Variants in EEFSEC observed in about 807,000 individuals in gnomAD.
EEFSEC encodes eukaryotic elongation factor, selenocysteine-tRNA specific.
A neutral mutation model predicts 42.1 loss-of-function variants in EEFSEC; 43 were observed. That is an observed-to-expected ratio of 1.02 (90% CI 0.80 to 1.32). The LOEUF (loss-of-function observed/expected upper bound fraction) is 1.32, where lower values mean the gene tolerates loss of function less well. Among genes scored for constraint, EEFSEC ranks in the 40% most tolerant of loss-of-function variants. The pLI, the probability that EEFSEC is intolerant of heterozygous loss-of-function variation, is 0.00. For synonymous variants in EEFSEC, 354 were observed against 339.1 expected (o/e 1.04, Z -0.48); for missense variants, 745 against 803.6 (o/e 0.93, Z 0.88).
chr3:128,167,885 A>C (rs1196730321), intron 1 of EEFSEC, among the ~76,000 whole-genome samples: 1 of 151,954 alleles, frequency 6.6e-6, no homozygotes, highest in African/African-American at 2.4e-5. Flanking sequence ...CTTCAGCTTG[A>C]CCCTGGTTGT....
At chr3:128,195,316 C>T (rs1269919393) in intron 1 of EEFSEC, among the ~76,000 whole-genome samples, 2 of 152,174 alleles carry the variant, frequency 1.3e-5, no homozygotes, top group Non-Finnish European at 2.9e-5. Flanking sequence ...GCCATTGCTG[C>T]ACAGTGCTGA....
intron 6 of EEFSEC, among the ~76,000 whole-genome samples, chr3:128,371,002 T>C (rs934023325): frequency 6.6e-6 from 1 of 152,196 alleles, no homozygotes; most frequent in Non-Finnish European, 1.5e-5. Flanking sequence ...TCTGGGAATA[T>C]GGAATAGAAA....
In EEFSEC at chr3:128,379,075, G is replaced by T. The variant is rs2293946; in HGVS notation, c.1600+20702G>T. Among the ~76,000 whole-genome samples, 26 of 152,310 alleles carry T rather than the reference G, an allele frequency of 1.7e-4. No homozygotes were observed. In the East Asian group the frequency reaches 5.0e-3, roughly 29 times the overall value. Reference sequence around the variant, plus strand: ...ATCTTTCTCCTGGGTGTCTTAGCCCGCCACTGCCCTTTGTGGATCTTGCCC... The same window carrying T: ...ATCTTTCTCCTGGGTGTCTTAGCCCTCCACTGCCCTTTGTGGATCTTGCCC... On this transcript the variant is annotated intron_variant, in intron 6 of 6. Transcript: ENST00000254730.
chr3:128,423,432 T>C, the EEFSEC span, among the ~76,000 whole-genome samples: 8 of 152,036 alleles, frequency 5.3e-5, no homozygotes, highest in Admixed American at 5.2e-4. Flanking sequence ...TGAGCTATGA[T>C]TGCACCACTG....
chr3:128,425,575 C>G, the EEFSEC span, among the ~76,000 whole-genome samples: 1 of 152,230 alleles, frequency 6.6e-6, no homozygotes, highest in Non-Finnish European at 1.5e-5. Context: ...GTTTCCCACC[C>G]CAGCTGCTGT....
At chr3:128,338,810 G>A (rs1393409755) in intron 4 of EEFSEC, among the ~76,000 whole-genome samples, 1 of 152,076 alleles carries the variant, frequency 6.6e-6, no homozygotes, top group Non-Finnish European at 1.5e-5. Flanking sequence ...GGTGGAGGGG[G>A]TACCAGGAGA....
At chr3:128,419,199 CAT>C in the EEFSEC span, among the ~76,000 whole-genome samples, 85 of 152,308 alleles carry the variant, frequency 5.6e-4, no homozygotes, top group Admixed American at 1.5e-3. Flanking sequence ...CACTCACTCA[CAT>C]GTGTGCACAA....
chr3:128,383,707 C>T (rs1295286848), intron 6 of EEFSEC, among the ~76,000 whole-genome samples: 2 of 152,242 alleles, frequency 1.3e-5, no homozygotes, highest in African/African-American at 2.4e-5. Flanking sequence ...GGCCTCGTGC[C>T]AGGCCCTGAG....
At chr3:128,414,434 G>C in the EEFSEC span, among the ~76,000 whole-genome samples, 81 of 152,328 alleles carry the variant, frequency 5.3e-4, 1 homozygote, top group East Asian at 0.015. Flanking sequence ...AAAGGCAAGG[G>C]GGGAGCGGAG....
At chr3:128,182,935 G>A (rs2065427419) in intron 1 of EEFSEC, among the ~76,000 whole-genome samples, 1 of 152,028 alleles carries the variant, frequency 6.6e-6, no homozygotes, top group South Asian at 2.1e-4. Context: ...TTGCCAGAGA[G>A]AAGGAGCGGG....
At chr3:128,403,562 C>T (rs2068072976) in intron 6 of EEFSEC, among the ~76,000 whole-genome samples, 1 of 152,182 alleles carries the variant, frequency 6.6e-6, no homozygotes, top group Non-Finnish European at 1.5e-5. Flanking sequence ...CGTACTCTGA[C>T]CCCAAGTCAG....
chr3:128,343,466 G>A (rs921317608), intron 5 of EEFSEC, among the ~76,000 whole-genome samples: 4 of 152,128 alleles, frequency 2.6e-5, no homozygotes, highest in Admixed American at 2.0e-4. Flanking sequence ...CGGGGGGGCC[G>A]CTGGGGCCTG....
At chr3:128,348,771 G>A (rs2067347183) in intron 5 of EEFSEC, among the ~76,000 whole-genome samples, 1 of 152,176 alleles carries the variant, frequency 6.6e-6, no homozygotes, top group Admixed American at 6.5e-5. Flanking sequence ...TGTAAAAGCC[G>A]AGGCTGGAAC....
At chr3:128,356,968 G>A (rs546281308) in intron 5 of EEFSEC, among the ~76,000 whole-genome samples, 1 of 152,380 alleles carries the variant, frequency 6.6e-6, no homozygotes, top group Admixed American at 6.5e-5. Flanking sequence ...GACCTTGGGT[G>A]GAGCTCCCAT....
intron 4 of EEFSEC, among the ~76,000 whole-genome samples, chr3:128,290,936 A>T (rs1384869426): frequency 6.6e-6 from 1 of 151,548 alleles, no homozygotes; most frequent in African/African-American, 2.4e-5. Flanking sequence ...TTTAGTAGAG[A>T]TGGGGTTTCG....
chr3:128,230,101 T>TTTCA (rs2065945546), intron 1 of EEFSEC, among the ~76,000 whole-genome samples: 1 of 116,918 alleles, frequency 8.6e-6, no homozygotes, highest in African/African-American at 2.6e-5. Flanking sequence ...TCTTTCGTTT[T>TTTCA]TTCATTCATT....
intron 5 of EEFSEC, among the ~76,000 whole-genome samples, chr3:128,347,322 G>A (rs928686586): frequency 6.6e-6 from 1 of 152,148 alleles, no homozygotes; most frequent in African/African-American, 2.4e-5. Flanking sequence ...GGTCTCACCT[G>A]AGTGGGAGAA....
downstream of EEFSEC, among the ~76,000 whole-genome samples, chr3:128,408,879 G>A (rs2068153659): frequency 6.6e-6 from 1 of 152,214 alleles, no homozygotes; most frequent in Non-Finnish European, 1.5e-5. Context: ...CTGGGCAGCT[G>A]GGTCCAGGGA....
intron 6 of EEFSEC, among the ~76,000 whole-genome samples, chr3:128,384,572 G>T (rs563781937): frequency 3.9e-5 from 6 of 152,188 alleles, no homozygotes; most frequent in Non-Finnish European, 8.8e-5. Flanking sequence ...CCACATGCAC[G>T]CATGCACAAG....
Sources: allele counts gnomAD v4.1 joint callset (sites outside exome capture counted in the v4.1 genomes callset), GRCh38; gene constraint gnomAD v4.1.1; transcripts MANE v1.5; gene names NCBI Gene and HGNC (gene_info 2026-07-23, HGNC 2026-07-21).